The following INPP4B variants were observed in gnomAD, a reference collection of about 807,000 sequenced individuals.
The protein encoded by INPP4B is inositol polyphosphate-4-phosphatase type II B.
Under a neutral mutation model 122.5 loss-of-function variants are expected in INPP4B, and 55 were observed. The observed-to-expected ratio is 0.45, with a 90% CI of 0.36 to 0.56. INPP4B has a LOEUF of 0.56. INPP4B is among the 20% of genes least tolerant of loss of function. The probability of loss-of-function intolerance (pLI) is 0.00; values close to 1 mark genes in which losing one functional copy is unlikely to be tolerated. For synonymous variants in INPP4B, 403 were observed against 388.7 expected, an observed-to-expected ratio of 1.04 and a Z score of -0.43; for missense variants, 1,000 against 1,097.7, an observed-to-expected ratio of 0.91 and a Z score of 1.26.
rs577700711 is a variant in INPP4B at position 142,424,956 on chromosome 4, C to T, written c.136+4217G>A. On this transcript the variant is annotated intron_variant, in intron 5 of 25. Transcript: ENST00000262992. Reference sequence around the variant, plus strand: ...ATTACACCAGCTAATGTAGATTTACCCATTTTAGAGAAAACCAAGAAATAA... The same window carrying T: ...ATTACACCAGCTAATGTAGATTTACTCATTTTAGAGAAAACCAAGAAATAA... Among the ~76,000 whole-genome samples, 106 of 151,764 alleles carry T rather than the reference C, an allele frequency of 7.0e-4. 1 individual carries two copies. The South Asian group carries it at 0.02, about 29-fold the overall frequency.
intron 2 of INPP4B, among the ~76,000 whole-genome samples, chr4:142,496,736 A>G (rs1320802384): frequency 6.6e-6 from 1 of 152,224 alleles, no homozygotes; most frequent in East Asian, 1.9e-4. Flanking sequence ...TATAGGAAAC[A>G]TAATGTGAAA....
intron 5 of INPP4B, among the ~76,000 whole-genome samples, chr4:142,420,502 C>T (rs1210338130): frequency 6.6e-6 from 1 of 152,056 alleles, no homozygotes; most frequent in Admixed American, 6.6e-5. Flanking sequence ...ACTACCCACC[C>T]GACAGATGTG....
chr4:142,633,670 T>C (rs1748476914), intron 2 of INPP4B, among the ~76,000 whole-genome samples: 1 of 151,604 alleles, frequency 6.6e-6, no homozygotes, highest in African/African-American at 2.4e-5. Flanking sequence ...GAGAGTAAAA[T>C]AAAATTTAGA....
intron 2 of INPP4B, among the ~76,000 whole-genome samples, chr4:142,627,111 G>C (rs1298316644): frequency 6.6e-6 from 1 of 152,094 alleles, no homozygotes; most frequent in East Asian, 1.9e-4. Context: ...TCCAGTCTCA[G>C]TACCTCTGTG....
At chr4:142,636,792 C>G (rs1461967050) in intron 2 of INPP4B, among the ~76,000 whole-genome samples, 1 of 152,040 alleles carries the variant, frequency 6.6e-6, no homozygotes, top group Non-Finnish European at 1.5e-5. Context: ...CTACTAATAT[C>G]ATGTCACTGG....
At chr4:142,325,882 T>C (rs2151472953) in intron 7 of INPP4B, among the ~76,000 whole-genome samples, 1 of 152,310 alleles carries the variant, frequency 6.6e-6, no homozygotes, top group Non-Finnish European at 1.5e-5. Context: ...ATTACCCACA[T>C]TTTATTCCAC....
intron 2 of INPP4B, among the ~76,000 whole-genome samples, chr4:142,689,746 A>G (rs1759892470): frequency 6.6e-6 from 1 of 152,198 alleles, no homozygotes. Flanking sequence ...GCATTAAAAT[A>G]TCTCACAGTT....
At chr4:142,168,217 T>A (rs769587767) in intron 16 of INPP4B, among the ~76,000 whole-genome samples, 1 of 151,614 alleles carries the variant, frequency 6.6e-6, no homozygotes, top group African/African-American at 2.4e-5. Flanking sequence ...GGGTCTGTAG[T>A]TTCATTAAAT....
At chr4:142,189,438 A>T (rs557132292) in intron 15 of INPP4B, among the ~76,000 whole-genome samples, 8 of 152,190 alleles carry the variant, frequency 5.3e-5, no homozygotes, top group Non-Finnish European at 1.2e-4. Flanking sequence ...AGAAAAGCAC[A>T]ATGTATTACA....
At chr4:142,595,624 A>T (rs562003156) in intron 2 of INPP4B, among the ~76,000 whole-genome samples, 2 of 152,084 alleles carry the variant, frequency 1.3e-5, no homozygotes, top group African/African-American at 4.8e-5. Flanking sequence ...GGGAAAGTAA[A>T]CAAACAGAAC....
chr4:142,454,866 A>G (rs1448247366), intron 3 of INPP4B, among the ~76,000 whole-genome samples: 2 of 152,072 alleles, frequency 1.3e-5, no homozygotes, highest in East Asian at 1.9e-4. Flanking sequence ...CTTCACACTG[A>G]GTAGGAGTAA....
At position 142,806,278 on chromosome 4, in the gene INPP4B, CAAAAAAA is replaced by C. The variant is rs1175185594; in HGVS notation, c.-254+39924_-254+39930del. ...TGGGAGAACGAGTGAGACTCCGTCT[CAAAAAAA>C]AAAAAAAAAAAAAAAAAAAGAGGAA... On this transcript the variant is annotated intron_variant, in intron 1 of 25. Transcript: ENST00000262992. 3.7e-3 allele frequency among the ~76,000 whole-genome samples: 197 copies of C among 53,582 alleles called. 1 individual carries two copies. Among genetic ancestry groups the C allele is most frequent in the African/African-American group, 0.012 (161 of 13,748 alleles). 35.2% of individuals were successfully genotyped at this position (53,582 alleles called of 152,430 possible).
intron 2 of INPP4B, among the ~76,000 whole-genome samples, chr4:142,694,383 A>C (rs1303113913): frequency 1.3e-5 from 2 of 151,734 alleles, no homozygotes; most frequent in African/African-American, 4.8e-5. Context: ...AAAAAAAAAA[A>C]CAAAAAAGAA....
intron 25 of INPP4B, among the ~76,000 whole-genome samples, chr4:142,081,451 G>A (rs1227033281): frequency 5.9e-5 from 9 of 152,142 alleles, no homozygotes; most frequent in East Asian, 1.9e-4. Context: ...TTTAAATGTC[G>A]GCAGAGTAAC....
At chr4:142,770,782 GGT>G (rs1326341794) in intron 1 of INPP4B, among the ~76,000 whole-genome samples, 3 of 152,078 alleles carry the variant, frequency 2.0e-5, no homozygotes, top group Admixed American at 6.6e-5. Flanking sequence ...ATACAAGTGT[GGT>G]ATCCGCTTCC....
intron 3 of INPP4B, among the ~76,000 whole-genome samples, chr4:142,449,901 CTG>C (rs958282054): frequency 6.6e-6 from 1 of 152,150 alleles, no homozygotes; most frequent in African/African-American, 2.4e-5. Flanking sequence ...AGACTATTGA[CTG>C]GAGCTGTCCT....
chr4:142,626,948 T>G (rs1746567016), intron 2 of INPP4B, among the ~76,000 whole-genome samples: 1 of 152,032 alleles, frequency 6.6e-6, no homozygotes, highest in Non-Finnish European at 1.5e-5. Context: ...CTCATCCAAA[T>G]GAAAGCCTCA....
At chr4:142,248,263 T>G (rs1007452135) in intron 11 of INPP4B, among the ~76,000 whole-genome samples, 1 of 151,602 alleles carries the variant, frequency 6.6e-6, no homozygotes, top group Admixed American at 6.6e-5. Flanking sequence ...CCATGAGATT[T>G]AAGAAAGAAA....
intron 2 of INPP4B, among the ~76,000 whole-genome samples, chr4:142,657,296 C>G (rs895405934): frequency 6.6e-6 from 1 of 152,166 alleles, no homozygotes; most frequent in East Asian, 1.9e-4. Flanking sequence ...TGGTAAAATT[C>G]AGGTCAGATG....
Sources: allele counts gnomAD v4.1 joint callset (sites outside exome capture counted in the v4.1 genomes callset), GRCh38; gene constraint gnomAD v4.1.1; transcripts MANE v1.5; gene names NCBI Gene and HGNC (gene_info 2026-07-23, HGNC 2026-07-21).